GTF2A1: variants seen among roughly 807,000 people sequenced by gnomAD.
GTF2A1 encodes transcription initiation factor IIA subunit 1.
A neutral mutation model predicts 54.1 loss-of-function variants in GTF2A1; 12 were observed. The observed-to-expected ratio is 0.22, with a 90% CI of 0.14 to 0.36. The LOEUF is 0.36. GTF2A1 is among the 10% of genes least tolerant of loss of function. GTF2A1 has a pLI of 1.00. For synonymous variants in GTF2A1, 145 were observed against 152.0 expected (o/e 0.95, Z 0.34); for missense variants, 335 against 442.2 (o/e 0.76, Z 2.17).
intron 7 of GTF2A1, 133 bp downstream of exon 7, chr14:81,192,380 CTAACTT>C: frequency 3.1e-6 from 2 of 644,080 alleles, no homozygotes; most frequent in Non-Finnish European, 5.3e-6. Context: ...TTAAAACAAT[CTAACTT>C]TATCTTTAAA....
chr14:81,192,716 C>A lies in GTF2A1; in HGVS notation c.736G>T (p.Ala246Ser), dbSNP rs550854086. The change falls in exon 7 of 9, where the codon GCC (alanine) becomes TCC (serine). Residue 246 changes from alanine (A) to serine (S), a missense_variant. Coordinates refer to ENST00000553612, the MANE Select transcript of GTF2A1 (RefSeq NM_015859.4). ...CCAGTTGCAGTTATCTGTGCTTGGGCTGGTGTAGGTGCTGCCACTGTCGTA... is the reference window on the plus strand; with the variant it reads ...CCAGTTGCAGTTATCTGTGCTTGGGATGGTGTAGGTGCTGCCACTGTCGTA... The part of the protein sequence containing the change: ...IPTTVAAPTP[A>S]QAQITATGQQ... The A allele has an allele frequency of 6.2e-7, 1 of 1,614,150 alleles. No homozygotes were observed. Among genetic ancestry groups the A allele is most frequent in the South Asian group, 1.1e-5 (1 of 91,086 alleles).
At chr14:81,202,756 T>G (rs756351448) in intron 3 of GTF2A1, 1 of 518,512 alleles carries the variant, frequency 1.9e-6, no homozygotes, top group Non-Finnish European at 3.8e-6. Flanking sequence ...ATTCTCTGAG[T>G]GAAGAAAATC....
intron 5 of GTF2A1, 80 bp downstream of exon 5, chr14:81,197,329 T>G: frequency 7.0e-6 from 5 of 718,930 alleles, no homozygotes; most frequent in Non-Finnish European, 1.2e-5. Context: ...TTTCTGTCTT[T>G]CAAAGAAGAC....
At chr14:81,213,564 A>C (rs1180841107) in intron 2 of GTF2A1, among the ~76,000 whole-genome samples, 2 of 152,212 alleles carry the variant, frequency 1.3e-5, no homozygotes, top group African/African-American at 4.8e-5. Context: ...AAAGTATAAC[A>C]TAAATTGCAA....
intron 8 of GTF2A1, among the ~76,000 whole-genome samples, chr14:81,180,834 T>G (rs1322516922): frequency 1.3e-5 from 2 of 152,322 alleles, no homozygotes; most frequent in South Asian, 4.1e-4. Flanking sequence ...AAAAAGACTA[T>G]CCTCCACAAA....
rs1566855994 is a variant in GTF2A1, at chr14:81,197,495, CA to C, written c.403-12del. 1 of 1,507,630 alleles carries C rather than the reference CA, an allele frequency of 6.6e-7. No homozygotes were observed. Among genetic ancestry groups the C allele is most frequent in the East Asian group, 2.3e-5 (1 of 43,316 alleles). The allele number at this position is 1,507,630 out of a possible 1,614,324, so 93.4% of individuals were successfully genotyped here. On this transcript the variant is annotated splice_polypyrimidine_tract_variant and intron_variant, in intron 4 of 8. Transcript: ENST00000553612. Reference sequence around the variant, plus strand: ...TGTAGCAGCAGCACTCTGAAAAAAACAAAGAAAAAATATCAAAACCACATAC... The same window carrying C: ...TGTAGCAGCAGCACTCTGAAAAAAACAAGAAAAAATATCAAAACCACATAC...
At chr14:81,188,346 CCA>C (rs1892794151) in intron 7 of GTF2A1, among the ~76,000 whole-genome samples, 1 of 152,114 alleles carries the variant, frequency 6.6e-6, no homozygotes, top group South Asian at 2.1e-4. Flanking sequence ...CACGATCATG[CCA>C]CTGCACTCCA....
intron 7 of GTF2A1, among the ~76,000 whole-genome samples, chr14:81,191,657 C>T (rs1389418800): frequency 6.6e-6 from 1 of 151,970 alleles, no homozygotes; most frequent in Non-Finnish European, 1.5e-5. Flanking sequence ...ATAATCAACA[C>T]AAATGTATGA....
At chr14:81,206,308 A>G (rs1231003914) in intron 2 of GTF2A1, among the ~76,000 whole-genome samples, 1 of 152,156 alleles carries the variant, frequency 6.6e-6, no homozygotes, top group Non-Finnish European at 1.5e-5. Context: ...CAGTGTTCCA[A>G]TGCATCTCTA....
Position 81,189,991 on chromosome 14 carries a change from G to C in GTF2A1, c.933+2528C>G, listed in dbSNP as rs1020537953. Among the ~76,000 whole-genome samples, 6 of 104,246 alleles carry C rather than the reference G, an allele frequency of 5.8e-5. No individual in the cohort carries two copies. The East Asian group carries it at 1.3e-3, about 23-fold the overall frequency. 68.4% of individuals were successfully genotyped at this position (104,246 alleles called of 152,430 possible). A position where few individuals can be genotyped will look rare whatever the true frequency, so the allele number is the denominator to read the frequency against. ...ACATTAATAAAATCAACACATCCCT[G>C]GTAAGACTGAACAGGGAAAAAAAAA... On this transcript the variant is annotated intron_variant, in intron 7 of 8. Coordinates refer to ENST00000553612, the MANE Select transcript of GTF2A1 (RefSeq NM_015859.4).
intron 2 of GTF2A1, among the ~76,000 whole-genome samples, chr14:81,214,578 A>G (rs1893445147): frequency 6.6e-6 from 1 of 151,882 alleles, no homozygotes; most frequent in African/African-American, 2.4e-5. Context: ...CCAGGGAGGC[A>G]AAGCTTGCAG....
chr14:81,200,030 A>AAAT (rs1262167890), intron 4 of GTF2A1, among the ~76,000 whole-genome samples: 1 of 152,160 alleles, frequency 6.6e-6, no homozygotes, highest in Non-Finnish European at 1.5e-5. Context: ...ATCTTGTGAG[A>AAAT]AATAACAGGC....
At chr14:81,185,290 AAAAG>A (rs1246411213) in intron 8 of GTF2A1, among the ~76,000 whole-genome samples, 1 of 152,214 alleles carries the variant, frequency 6.6e-6, no homozygotes, top group Non-Finnish European at 1.5e-5. Flanking sequence ...TCTAAATAGA[AAAAG>A]AAGATCGTAG....
intron 2 of GTF2A1, among the ~76,000 whole-genome samples, chr14:81,211,897 A>C: frequency 7.1e-6 from 1 of 141,556 alleles, no homozygotes; most frequent in African/African-American, 2.7e-5. Flanking sequence ...ATATATATAT[A>C]TATATATATA....
intron 3 of GTF2A1, among the ~76,000 whole-genome samples, chr14:81,203,081 AG>A (rs1893149251): frequency 6.6e-6 from 1 of 152,250 alleles, no homozygotes; most frequent in Non-Finnish European, 1.5e-5. Flanking sequence ...TAGAATGCTC[AG>A]GAAGTTTTAT....
chr14:81,202,116 T>A (rs1422941023), intron 3 of GTF2A1, among the ~76,000 whole-genome samples: 1 of 148,366 alleles, frequency 6.7e-6, no homozygotes, highest in Non-Finnish European at 1.5e-5. Flanking sequence ...GGTGACAAGG[T>A]TCCATATCAA....
intron 4 of GTF2A1, among the ~76,000 whole-genome samples, chr14:81,199,270 G>A (rs772776109): frequency 1.3e-5 from 2 of 152,068 alleles, no homozygotes; most frequent in African/African-American, 4.8e-5. Flanking sequence ...AATTCAAGCT[G>A]CATAACATAT....
At chr14:81,187,211 C>T (rs549033182) in intron 7 of GTF2A1, among the ~76,000 whole-genome samples, 18 of 151,956 alleles carry the variant, frequency 1.2e-4, no homozygotes, top group African/African-American at 4.1e-4. Context: ...AAAAATTAGC[C>T]GGGCATGGTG....
Position 81,196,191 on chromosome 14 carries a change from G to T in GTF2A1, c.529C>A (p.Gln177Lys). 1 of 1,613,932 alleles carries T rather than the reference G, an allele frequency of 6.2e-7. No individual in the cohort carries two copies. The highest frequency in any genetic ancestry group is 8.5e-7 in the Non-Finnish European group (1 of 1,179,794). Residue 177 changes from glutamine (Q) to lysine (K), a missense_variant, in exon 6 of 9, where the codon CAG becomes AAG. This residue lies in a region of GTF2A1 where 306 missense variants were observed against 360.4 expected (regional missense o/e 0.85). Coordinates refer to ENST00000553612, the MANE Select transcript of GTF2A1 (RefSeq NM_015859.4). ...TGTAGAACCACTGACTGCTGAGGCT[G>T]AAAGATATATTGGGCACCATTGGCT... ...RAANGAQYIF[Q>K]PQQSVVLQQQ...
Sources: gnomAD v4.1 joint callset for allele counts (sites outside exome capture counted in the v4.1 genomes callset) on GRCh38, gnomAD v4.1.1 for gene constraint, gnomAD v4.1.1 regional missense constraint, MANE v1.5 for transcripts, NCBI Gene and HGNC (gene_info 2026-07-23, HGNC 2026-07-21) for gene names.